CSNK1A1: variants seen among roughly 807,000 people sequenced by gnomAD.
CSNK1A1 encodes casein kinase I isoform alpha.
CSNK1A1 carries 7 observed loss-of-function variants against 46.1 expected under a neutral mutation model. The observed-to-expected ratio is 0.15, with a 90% confidence interval of 0.09 to 0.29. The LOEUF (loss-of-function observed/expected upper bound fraction) is 0.29. Ranked by LOEUF, CSNK1A1 falls within the 10% of genes least tolerant of loss-of-function variation. The pLI is 1.00. For missense variants in CSNK1A1, 96 were observed against 417.1 expected, an observed-to-expected ratio of 0.23 and a Z score of 6.71; for synonymous variants, 137 against 141.5, an observed-to-expected ratio of 0.97 and a Z score of 0.23.
chr5:149,511,288 C>G (rs1004937286), intron 6 of CSNK1A1, among the ~76,000 whole-genome samples: 1 of 152,094 alleles, frequency 6.6e-6, no homozygotes, highest in Admixed American at 6.6e-5. Context: ...CCAGGCATTC[C>G]GGCTTGGGCA....
intron 2 of CSNK1A1, among the ~76,000 whole-genome samples, chr5:149,538,864 G>A (rs1410375144): frequency 6.6e-5 from 10 of 152,140 alleles, no homozygotes; most frequent in African/African-American, 2.4e-4. Context: ...GGATGTTGCG[G>A]TGAGCCGAGA....
chr5:149,516,494 G>A, intron 4 of CSNK1A1, among the ~76,000 whole-genome samples: 1 of 150,984 alleles, frequency 6.6e-6, no homozygotes, highest in Admixed American at 6.6e-5. Context: ...TCCTAACCAG[G>A]GGTCATAATT....
rs1204263007 is a variant in CSNK1A1, at chr5:149,493,596, T to C, written c.*3257A>G. On this transcript the variant is annotated 3_prime_UTR_variant, in exon 10 of 10. Coordinates refer to ENST00000377843, the MANE Select transcript of CSNK1A1 (RefSeq NM_001892.6). ...TCAATTTACACTTGGTTCATCGCCA[T>C]CTTTGGCTGTTTCAAACATACACTG... The C allele has an allele frequency of 4.0e-5, 6 of 151,676 alleles. No homozygotes were observed. The East Asian group carries it at 1.2e-3, about 29-fold the overall frequency. The allele number at this position is 151,676 out of a possible 1,614,324, so 9.4% of individuals were successfully genotyped here. A position where few individuals can be genotyped will look rare whatever the true frequency, so the allele number is the denominator to read the frequency against.
At chr5:149,544,737 TTATATA>T (rs375444306) in intron 2 of CSNK1A1, among the ~76,000 whole-genome samples, 3,963 of 80,804 alleles carry the variant, frequency 0.049, 239 homozygotes, top group Non-Finnish European at 0.059. Flanking sequence ...GTAAAGAGCT[TTATATA>T]TATATATATA....
intron 2 of CSNK1A1, among the ~76,000 whole-genome samples, chr5:149,536,993 G>T (rs1017565965): frequency 3.3e-5 from 5 of 152,182 alleles, no homozygotes; most frequent in Admixed American, 1.3e-4. Flanking sequence ...TTATCAAAAG[G>T]TGTTGTGGTA....
At position 149,550,064 on chromosome 5, in the gene CSNK1A1, C is replaced by G. The variant is rs1323429652; in HGVS notation, c.230+11G>C. The stretch of plus-strand genomic sequence containing the variant: ...CCCTCAGCGGATCGCCTATATGCAC[C>G]GGGTTCTTACCGTATGTGGGGGATG... On this transcript the variant is annotated intron_variant, in intron 2 of 9. Coordinates refer to ENST00000377843, the MANE Select transcript of CSNK1A1 (RefSeq NM_001892.6). The surrounding 1 kb of genome is among the most constrained non-coding windows in gnomAD (Gnocchi z 4.3). The G allele has an allele frequency of 6.2e-7, 1 of 1,611,270 alleles. No individual in the cohort carries two copies. Among genetic ancestry groups the G allele is most frequent in the Non-Finnish European group, 8.5e-7 (1 of 1,178,436 alleles).
chr5:149,550,335 A>C lies in CSNK1A1; in HGVS notation c.124-154T>G, dbSNP rs889278024. 7.0e-7 allele frequency: 1 copy of C among 1,434,876 alleles called. No homozygotes were observed. The highest frequency in any genetic ancestry group is 1.4e-5 in the African/African-American group (1 of 69,784). 88.9% of individuals were successfully genotyped at this position (1,434,876 alleles called of 1,614,324 possible). On this transcript the variant is annotated intron_variant, in intron 1 of 9. Transcript: ENST00000377843. The surrounding 1 kb of genome is among the most constrained non-coding windows in gnomAD (Gnocchi z 4.3). ...GCTCTCGGTAATTATAAAACGAGGC[A>C]ACCAGCCTCAAAGGCCTCTTCAGGG...
At chr5:149,506,598 C>A (rs1761037777) in intron 8 of CSNK1A1, among the ~76,000 whole-genome samples, 1 of 152,160 alleles carries the variant, frequency 6.6e-6, no homozygotes, top group Non-Finnish European at 1.5e-5. Flanking sequence ...ATCTATTCCC[C>A]CCCCTTTTTC....
intron 2 of CSNK1A1, among the ~76,000 whole-genome samples, chr5:149,542,640 GTATATA>G (rs1311690619): frequency 9.2e-4 from 12 of 13,048 alleles, no homozygotes; most frequent in South Asian, 5.2e-3. Flanking sequence ...ATATATATAT[GTATATA>G]TATATATATA....
At chr5:149,531,052 A>G (rs1761881533) in intron 2 of CSNK1A1, among the ~76,000 whole-genome samples, 1 of 151,760 alleles carries the variant, frequency 6.6e-6, no homozygotes, top group Admixed American at 6.6e-5. Context: ...ATTTTCCTAT[A>G]CATTCATATT....
chr5:149,539,605 T>A (rs1762169911), intron 2 of CSNK1A1, among the ~76,000 whole-genome samples: 1 of 152,090 alleles, frequency 6.6e-6, no homozygotes. Context: ...TGGGGATTAA[T>A]AACAATTATT....
intron 2 of CSNK1A1, among the ~76,000 whole-genome samples, chr5:149,543,614 GC>G (rs1436193845): frequency 2.6e-5 from 4 of 152,046 alleles, no homozygotes; most frequent in Admixed American, 1.3e-4. Context: ...TATGCTCAGT[GC>G]CAAAGATAAG....
rs1702026460 is a variant in CSNK1A1, at chr5:149,494,369, T to C, written c.*2484A>G. ...ATATATTCTTTTTTATTTCTTGTTATACCTTCCCAAAACAGAGACATTCAA... is the reference window on the plus strand; with the variant it reads ...ATATATTCTTTTTTATTTCTTGTTACACCTTCCCAAAACAGAGACATTCAA... On this transcript the variant is annotated 3_prime_UTR_variant, in exon 10 of 10. Transcript: ENST00000377843. The C allele has an allele frequency of 6.6e-6, 1 of 152,174 alleles. No homozygotes were observed. The highest frequency in any genetic ancestry group is 2.4e-5 in the African/African-American group (1 of 41,430). The allele number at this position is 152,174 out of a possible 1,614,324, so 9.4% of individuals were successfully genotyped here.
intron 4 of CSNK1A1, among the ~76,000 whole-genome samples, chr5:149,515,097 A>T (rs1033054811): frequency 2.0e-5 from 3 of 152,374 alleles, no homozygotes; most frequent in African/African-American, 7.2e-5. Context: ...AGTGAAAAGA[A>T]AACATGGGGA....
At chr5:149,518,919 G>T (rs1376386759) in intron 4 of CSNK1A1, among the ~76,000 whole-genome samples, 1 of 151,914 alleles carries the variant, frequency 6.6e-6, no homozygotes, top group Non-Finnish European at 1.5e-5. Flanking sequence ...GTTTTTAGGG[G>T]GTAAGAAAAC....
chr5:149,506,537 G>A (rs777959509), intron 8 of CSNK1A1, among the ~76,000 whole-genome samples: 6 of 152,104 alleles, frequency 3.9e-5, no homozygotes, highest in Admixed American at 2.6e-4. Flanking sequence ...GTACCTGGGC[G>A]GATTACCTCA....
intron 8 of CSNK1A1, among the ~76,000 whole-genome samples, chr5:149,506,383 A>T (rs921259199): frequency 6.6e-6 from 1 of 151,572 alleles, no homozygotes; most frequent in Non-Finnish European, 1.5e-5. Context: ...ATTAAAGGTG[A>T]GCACCACCTC....
intron 9 of CSNK1A1, chr5:149,505,055 C>A (rs1337926390): frequency 6.9e-5 from 68 of 988,248 alleles, no homozygotes; most frequent in Non-Finnish European, 8.2e-5. Flanking sequence ...TATGGCTAAC[C>A]AAATTCATTA....
intron 3 of CSNK1A1, among the ~76,000 whole-genome samples, chr5:149,522,245 C>T (rs1445556578): frequency 6.6e-6 from 1 of 151,956 alleles, no homozygotes; most frequent in Non-Finnish European, 1.5e-5. Context: ...GAAGCTGGAA[C>T]TACGGACATG....
Sources: allele counts gnomAD v4.1 joint callset (sites outside exome capture counted in the v4.1 genomes callset), GRCh38; gene constraint gnomAD v4.1.1; non-coding constraint Gnocchi (gnomAD v3.1); transcripts MANE v1.5; gene names NCBI Gene and HGNC (gene_info 2026-07-23, HGNC 2026-07-21).